The following NKX6-3 variants were observed in gnomAD, a reference collection of about 807,000 sequenced individuals.
NKX6-3 encodes the protein NK6 homeobox 3, also known as homeobox protein Nkx-6.3.
Under a neutral mutation model 22.0 loss-of-function variants are expected in NKX6-3, and 17 were observed. That is an observed-to-expected ratio of 0.77 (90% CI 0.53 to 1.16). The LOEUF is 1.16. Ranked by LOEUF, NKX6-3 falls within the 50% of genes most tolerant of loss-of-function variation. The pLI, the probability that NKX6-3 is intolerant of heterozygous loss-of-function variation, is 0.00. For missense variants in NKX6-3, 363 were observed against 359.0 expected (o/e 1.01, Z -0.09); for synonymous variants, 177 against 167.2 (o/e 1.06, Z -0.45).
In NKX6-3 at chr8:41,646,389, T is replaced by G; in HGVS notation, c.*60A>C. ...GAGCGTGGGGAAGGGGAGGGGAAGG[T>G]AGGCTCCTCGGCGTCCCCCCGCAGG... On this transcript the variant is annotated 3_prime_UTR_variant, in exon 3 of 3. Coordinates refer to ENST00000518699, the MANE Select transcript of NKX6-3 (RefSeq NM_001364841.2). 6.5e-7 allele frequency: 1 copy of G among 1,532,172 alleles called. No individual in the cohort carries two copies. The highest frequency in any genetic ancestry group is 8.7e-7 in the Non-Finnish European group (1 of 1,145,120). The allele number at this position is 1,532,172 out of a possible 1,614,324, so 94.9% of individuals were successfully genotyped here. A position where few individuals can be genotyped will look rare whatever the true frequency, so the allele number is the denominator to read the frequency against.
chr8:41,647,244 C>A, intron 2 of NKX6-3: 1 of 1,611,588 alleles, frequency 6.2e-7, no homozygotes, highest in South Asian at 1.1e-5. Context: ...CCCCAGCTCT[C>A]GCCCCAGGGC....
At chr8:41,646,798 G>T (rs184152075) in intron 2 of NKX6-3, 104 bp from the exon 3 acceptor site, 77 of 1,429,786 alleles carry the variant, frequency 5.4e-5, no homozygotes, top group Non-Finnish European at 3.6e-5. Context: ...ACAACGGAGT[G>T]ACTGTCACAT....
Position 41,646,240 on chromosome 8 carries a change from G to A in NKX6-3, c.*209C>T. On this transcript the variant is annotated 3_prime_UTR_variant, in exon 3 of 3. Coordinates refer to ENST00000518699, the MANE Select transcript of NKX6-3 (RefSeq NM_001364841.2). Reference sequence around the variant, plus strand: ...CCTGGCCTCCTCCTCCCTTAGCTAGGATGCCTGTCCCCTTTCCCTCCTTTT... The same window carrying A: ...CCTGGCCTCCTCCTCCCTTAGCTAGAATGCCTGTCCCCTTTCCCTCCTTTT... 1 of 653,552 alleles carries A rather than the reference G, an allele frequency of 1.5e-6. No individual in the cohort carries two copies. The highest frequency in any genetic ancestry group is 2.6e-6 in the Non-Finnish European group (1 of 387,990). 40.5% of individuals were successfully genotyped at this position (653,552 alleles called of 1,614,324 possible). A position where few individuals can be genotyped will look rare whatever the true frequency, so the allele number is the denominator to read the frequency against.
At chr8:41,649,422 T>C (rs1221364337) in intron 1 of NKX6-3, among the ~76,000 whole-genome samples, 1 of 152,104 alleles carries the variant, frequency 6.6e-6, no homozygotes, top group Middle Eastern at 3.2e-3. Flanking sequence ...CCCTGCCACC[T>C]CCTCCAGTAA....
At chr8:41,647,104 A>C in intron 2 of NKX6-3, 1 of 1,409,324 alleles carries the variant, frequency 7.1e-7, no homozygotes, top group Non-Finnish European at 9.8e-7. Context: ...ATAGACCCTC[A>C]CCCTACTTCA....
chr8:41,647,013 A>AAGATG (rs1348646979), intron 2 of NKX6-3, among the ~76,000 whole-genome samples: 3 of 137,624 alleles, frequency 2.2e-5, no homozygotes, highest in Non-Finnish European at 4.7e-5. Flanking sequence ...AACTCGGTGG[A>AAGATG]AGATGCGGAG....
chr8:41,650,483 T>A lies in NKX6-3; in HGVS notation c.10A>T (p.Asn4Tyr). 6 of 1,535,434 alleles carry A rather than the reference T, an allele frequency of 3.9e-6. No individual in the cohort carries two copies. The highest frequency in any genetic ancestry group is 4.4e-6 in the Non-Finnish European group (5 of 1,146,796). The part of the protein sequence containing the change: MES[N>Y]LQGTFLLNNT... ...TTCAGCAGGAACGTCCCCTGCAGGT[T>A]GGACTCCATGATCTCCCAGTCAGGA... Residue 4 changes from asparagine to tyrosine, a missense_variant, in exon 1 of 3, where the codon AAC becomes TAC. This residue lies in a region of NKX6-3 where 175 missense variants were observed against 160.9 expected (regional missense o/e 1.09). Transcript: ENST00000518699.
Position 41,646,562 on chromosome 8 carries a change from C to G in NKX6-3, c.685G>C (p.Asp229His), listed in dbSNP as rs1340276624. The part of the protein sequence containing the change: ...GDRAPSENED[D>H]EYNKPLDPDS... ...GGGTCCAGCGGCTTGTTGTACTCGT[C>G]GTCCTCGTTCTCCGAGGGTGCGCGG... Residue 229 changes from aspartate (D) to histidine (H), a missense_variant, in exon 3 of 3, where the codon GAC becomes CAC. By Grantham distance (81) the Asp-to-His change is moderately conservative. Coordinates refer to ENST00000518699, the MANE Select transcript of NKX6-3 (RefSeq NM_001364841.2). 6 of 1,606,472 alleles carry G rather than the reference C, an allele frequency of 3.7e-6. No individual in the cohort carries two copies. Among genetic ancestry groups the G allele is most frequent in the South Asian group, 2.2e-5 (2 of 90,080 alleles).
rs1804299237 is a variant in NKX6-3 at position 41,650,571 on chromosome 8, G to A, written c.-79C>T. 4.2e-6 allele frequency: 6 copies of A among 1,416,148 alleles called. No homozygotes were observed. In the South Asian group the frequency reaches 6.7e-5, roughly 16 times the overall value. The allele number at this position is 1,416,148 out of a possible 1,614,324, so 87.7% of individuals were successfully genotyped here. ...CCACTCTCTAGCCCCAAATCTCATG[G>A]CAGGCCTGGAGGCTTAGGACCGTCT... On this transcript the variant is annotated 5_prime_UTR_variant, in exon 1 of 3. Transcript: ENST00000518699.
chr8:41,648,259 G>C lies in NKX6-3; in HGVS notation c.383-24C>G, dbSNP rs143633256. 150 of 1,521,194 alleles carry C rather than the reference G, an allele frequency of 9.9e-5. No individual in the cohort carries two copies. The African/African-American group carries it at 1.9e-3, about 19-fold the overall frequency. The allele number at this position is 1,521,194 out of a possible 1,614,324, so 94.2% of individuals were successfully genotyped here. A position where few individuals can be genotyped will look rare whatever the true frequency, so the allele number is the denominator to read the frequency against. On this transcript the variant is annotated intron_variant, in intron 1 of 2. Coordinates refer to ENST00000518699, the MANE Select transcript of NKX6-3 (RefSeq NM_001364841.2). ...GGCTGGCAGGAGGAAGGAAGTGTGG[G>C]GTTAGTAGAATAAGTGGGGACCCTG...
rs1286705363 is a variant in NKX6-3 at position 41,650,185 on chromosome 8, T to G, written c.308A>C (p.Glu103Ala). 1 of 1,535,390 alleles carries G rather than the reference T, an allele frequency of 6.5e-7. No homozygotes were observed. The highest frequency in any genetic ancestry group is 2.0e-5 in the Admixed American group (1 of 50,928). The change falls in exon 1 of 3, where the codon GAG (glutamate) becomes GCG (alanine). Residue 103 changes from glutamate (E) to alanine (A), a missense_variant. Physicochemically the swap from Glu to Ala is moderately radical, Grantham distance 107. Around this residue, in one of 3 missense-constraint regions of NKX6-3, gnomAD observed 175 missense variants for 160.9 expected, o/e 1.09. Coordinates refer to ENST00000518699, the MANE Select transcript of NKX6-3 (RefSeq NM_001364841.2). The part of the protein sequence containing the change: ...QVGNFSKAGN[E>A]YPTRTRNCWA... ...GCAGTTCCGGGTCCGGGTCGGGTAC[T>G]CGTTCCCAGCCTTGGAAAAATTCCC...
chr8:41,648,978 C>T (rs1331588747), intron 1 of NKX6-3, among the ~76,000 whole-genome samples: 2 of 152,354 alleles, frequency 1.3e-5, no homozygotes, highest in East Asian at 1.9e-4. Flanking sequence ...CCTTTGCCTT[C>T]ATTAGCCACT....
intron 1 of NKX6-3, among the ~76,000 whole-genome samples, chr8:41,648,688 A>C (rs1804258569): frequency 6.6e-6 from 1 of 152,228 alleles, no homozygotes; most frequent in Non-Finnish European, 1.5e-5. Flanking sequence ...GTCTCCAGGA[A>C]ACCAGGGAGG....
intron 2 of NKX6-3, chr8:41,647,310 GC>G: frequency 1.3e-6 from 2 of 1,595,048 alleles, no homozygotes; most frequent in Non-Finnish European, 1.7e-6. Flanking sequence ...AGGCCCCAGG[GC>G]CCTGAGCAAA....
Position 41,650,687 on chromosome 8 carries a change from G to A in NKX6-3, c.-195C>T, listed in dbSNP as rs941948370. The A allele has an allele frequency of 5.1e-6, 3 of 592,066 alleles. No homozygotes were observed. The highest frequency in any genetic ancestry group is 3.0e-5 in the East Asian group (1 of 33,424). The allele number at this position is 592,066 out of a possible 1,614,324, so 36.7% of individuals were successfully genotyped here. ...TCAGCTGCTCGGAAGTCAGGTGCTC[G>A]GGGCAGGTGGGAGGCCTCCCCAGGG... On this transcript the variant is annotated 5_prime_UTR_variant, in exon 1 of 3. Coordinates refer to ENST00000518699, the MANE Select transcript of NKX6-3 (RefSeq NM_001364841.2).
chr8:41,647,758 C>A (rs55794933), intron 2 of NKX6-3, among the ~76,000 whole-genome samples: 8,402 of 151,610 alleles, frequency 0.055, 385 homozygotes, highest in African/African-American at 0.12. Flanking sequence ...GCTCTGCCAG[C>A]TCTCCCAGCT....
rs1804177620 is a variant in NKX6-3, at chr8:41,645,348, C to T, written c.*1101G>A. On this transcript the variant is annotated 3_prime_UTR_variant, in exon 3 of 3. Coordinates refer to ENST00000518699, the MANE Select transcript of NKX6-3 (RefSeq NM_001364841.2). Reference sequence around the variant, plus strand: ...CAGATCACCCGGGTGAAAAATACCACCCTGTTGGCCAGCGTCCCTGTCAGC... The same window carrying T: ...CAGATCACCCGGGTGAAAAATACCATCCTGTTGGCCAGCGTCCCTGTCAGC... 1 of 152,010 alleles carries T rather than the reference C, an allele frequency of 6.6e-6. No individual in the cohort carries two copies. The highest frequency in any genetic ancestry group is 2.1e-4 in the South Asian group (1 of 4,812). The allele number at this position is 152,010 out of a possible 1,614,324, so 9.4% of individuals were successfully genotyped here.
chr8:41,646,484 A>G lies in NKX6-3; in HGVS notation c.763T>C (p.Phe255Leu). The change falls in exon 3 of 3, where the codon TTC (phenylalanine) becomes CTC (leucine). Residue 255 changes from phenylalanine to leucine, a missense_variant. Physicochemically the swap from Phe to Leu is conservative, Grantham distance 22. Coordinates refer to ENST00000518699, the MANE Select transcript of NKX6-3 (RefSeq NM_001364841.2). ...RLLLRKHRAAFSVLSLGAHSV is the reference protein window; with the variant it reads ...RLLLRKHRAALSVLSLGAHSV ...TGCGCTCCCAGGCTGAGCACCGAGA[A>G]GGCGGCGCGGTGCTTGCGCAGCAGC... is the stretch of plus-strand genomic sequence containing the variant. 1 of 1,608,456 alleles carries G rather than the reference A, an allele frequency of 6.2e-7. No individual in the cohort carries two copies. Among genetic ancestry groups the G allele is most frequent in the African/African-American group, 1.3e-5 (1 of 74,978 alleles).
At chr8:41,648,926 A>C (rs1038976896) in intron 1 of NKX6-3, among the ~76,000 whole-genome samples, 6 of 152,220 alleles carry the variant, frequency 3.9e-5, no homozygotes, top group East Asian at 1.9e-4. Context: ...AGGCACAGAG[A>C]GAGGAAGAGC....
Sources: gnomAD v4.1 joint callset for allele counts (sites outside exome capture counted in the v4.1 genomes callset) on GRCh38, gnomAD v4.1.1 for gene constraint, gnomAD v4.1.1 regional missense constraint, MANE v1.5 for transcripts, NCBI Gene and HGNC (gene_info 2026-07-23, HGNC 2026-07-21) for gene names.